Variants in CCSER1 observed in about 807,000 individuals in gnomAD.
CCSER1 encodes the protein serine-rich coiled-coil domain-containing protein 1.
Under a neutral mutation model 82.0 loss-of-function variants are expected in CCSER1, and 41 were observed. The observed-to-expected ratio is 0.50, with a 90% CI of 0.39 to 0.65. The LOEUF (loss-of-function observed/expected upper bound fraction) is 0.65, where lower values mean the gene tolerates loss of function less well. CCSER1 is among the 30% of genes least tolerant of loss of function. CCSER1 has a pLI of 0.00. For missense variants in CCSER1, 1,119 were observed against 1,064.2 expected (o/e 1.05, Z -0.72); for synonymous variants, 414 against 383.9 (o/e 1.08, Z -0.92).
At chr4:90,317,671 G>A in intron 3 of CCSER1, among the ~76,000 whole-genome samples, 1 of 152,086 alleles carries the variant, frequency 6.6e-6, no homozygotes, top group Non-Finnish European at 1.5e-5. Context: ...TCCAAATCTA[G>A]CGACTTATAT....
intron 6 of CCSER1, among the ~76,000 whole-genome samples, chr4:90,662,719 T>C (rs1731052356): frequency 6.6e-6 from 1 of 152,140 alleles, no homozygotes; most frequent in Admixed American, 6.5e-5. Flanking sequence ...TAAAACCTAT[T>C]TTTGATAAAG....
chr4:91,297,941 G>A (rs911711140), intron 10 of CCSER1, among the ~76,000 whole-genome samples: 1 of 151,814 alleles, frequency 6.6e-6, no homozygotes, highest in Non-Finnish European at 1.5e-5. Flanking sequence ...GCATGGATGT[G>A]GATAAAATAG....
chr4:91,543,704 C>G (rs924345461), intron 10 of CCSER1, among the ~76,000 whole-genome samples: 1 of 152,120 alleles, frequency 6.6e-6, no homozygotes, highest in Non-Finnish European at 1.5e-5. Context: ...TTGTGGGTAA[C>G]CCGACCTGTC....
chr4:90,165,905 T>A (rs1330108833), intron 1 of CCSER1, among the ~76,000 whole-genome samples: 1 of 152,026 alleles, frequency 6.6e-6, no homozygotes, highest in African/African-American at 2.4e-5. Context: ...ACTTCAGTAA[T>A]AAAATCTCTA....
intron 6 of CCSER1, among the ~76,000 whole-genome samples, chr4:90,684,806 G>A (rs62314422): frequency 0.29 from 44,291 of 151,750 alleles, 6,718 homozygotes; most frequent in East Asian, 0.47. Flanking sequence ...TCACAAGATC[G>A]ATGGTTATTA....
chr4:90,356,234 C>T (rs1204108630), intron 3 of CCSER1, among the ~76,000 whole-genome samples: 1 of 151,668 alleles, frequency 6.6e-6, no homozygotes, highest in African/African-American at 2.4e-5. Context: ...TGTTTTATAA[C>T]GTCTAATATT....
intron 10 of CCSER1, among the ~76,000 whole-genome samples, chr4:91,483,976 T>A (rs1758087264): frequency 1.3e-5 from 2 of 151,582 alleles, no homozygotes; most frequent in South Asian, 4.2e-4. Context: ...TTCTTTGGAA[T>A]GTTCCTTATA....
At chr4:91,332,886 T>C (rs1478067648) in intron 10 of CCSER1, among the ~76,000 whole-genome samples, 1 of 152,080 alleles carries the variant, frequency 6.6e-6, no homozygotes, top group South Asian at 2.1e-4. Context: ...GGAGACATTC[T>C]GCCCCATTAA....
At chr4:91,030,392 G>A (rs1740873605) in intron 9 of CCSER1, among the ~76,000 whole-genome samples, 1 of 152,062 alleles carries the variant, frequency 6.6e-6, no homozygotes, top group Non-Finnish European at 1.5e-5. Context: ...TGAATATTGT[G>A]ACTAAGGGAT....
chr4:90,659,623 G>A (rs1730384616), intron 6 of CCSER1, among the ~76,000 whole-genome samples: 1 of 151,868 alleles, frequency 6.6e-6, no homozygotes, highest in African/African-American at 2.4e-5. Context: ...GATTTCAATA[G>A]CTAGCTATAT....
chr4:90,285,188 T>A (rs1212453198), intron 1 of CCSER1, among the ~76,000 whole-genome samples: 2 of 152,044 alleles, frequency 1.3e-5, no homozygotes, highest in African/African-American at 4.8e-5. Flanking sequence ...AAGAATGTCA[T>A]TGGTGTTTTG....
chr4:91,100,489 A>G (rs1300893639), intron 10 of CCSER1, among the ~76,000 whole-genome samples: 1 of 152,188 alleles, frequency 6.6e-6, no homozygotes, highest in Non-Finnish European at 1.5e-5. Flanking sequence ...AGTCCACACC[A>G]TGACAATCAA....
At chr4:90,982,274 CTCT>C (rs1736184378) in intron 9 of CCSER1, among the ~76,000 whole-genome samples, 1 of 151,626 alleles carries the variant, frequency 6.6e-6, no homozygotes, top group South Asian at 2.1e-4. Flanking sequence ...TGACATCTTC[CTCT>C]TCTTTGAATG....
intron 9 of CCSER1, among the ~76,000 whole-genome samples, chr4:91,003,457 G>T (rs1461588332): frequency 6.6e-6 from 1 of 152,078 alleles, no homozygotes; most frequent in African/African-American, 2.4e-5. Flanking sequence ...TTCCTAGGAG[G>T]ATTATGCCTG....
At chr4:90,238,068 A>C (rs1490871106) in intron 1 of CCSER1, among the ~76,000 whole-genome samples, 1 of 152,208 alleles carries the variant, frequency 6.6e-6, no homozygotes, top group Non-Finnish European at 1.5e-5. Context: ...AGGTGCTGGT[A>C]ATGAGAACCT....
At chr4:90,383,027 A>G (rs1749458815) in intron 3 of CCSER1, among the ~76,000 whole-genome samples, 1 of 152,164 alleles carries the variant, frequency 6.6e-6, no homozygotes, top group African/African-American at 2.4e-5. Context: ...GCAAAGGGTG[A>G]GTAATACACC....
chr4:90,475,646 G>A (rs1578665279), intron 5 of CCSER1, among the ~76,000 whole-genome samples: 1 of 152,306 alleles, frequency 6.6e-6, no homozygotes, highest in East Asian at 1.9e-4. Context: ...CTGGCCAGCT[G>A]TGAAAGCAGC....
At chr4:90,968,188 AAT>A (rs1454638155) in intron 9 of CCSER1, among the ~76,000 whole-genome samples, 3 of 151,898 alleles carry the variant, frequency 2.0e-5, no homozygotes, top group Admixed American at 2.0e-4. Context: ...AACTTAAAAT[AAT>A]ATGTTAAAAT....
chr4:91,475,796 C>T (rs534070931), intron 10 of CCSER1, among the ~76,000 whole-genome samples: 3 of 151,946 alleles, frequency 2.0e-5, no homozygotes, highest in South Asian at 4.1e-4. Context: ...TCTCCTCCTT[C>T]CCTGCTACTC....
Sources: gnomAD v4.1 joint callset for allele counts (sites outside exome capture counted in the v4.1 genomes callset) on GRCh38, gnomAD v4.1.1 for gene constraint, MANE v1.5 for transcripts, NCBI Gene and HGNC (gene_info 2026-07-23, HGNC 2026-07-21) for gene names.